Variants in FAM167A observed in about 807,000 individuals in gnomAD.
The protein encoded by FAM167A is protein FAM167A.
Under a neutral mutation model 14.9 loss-of-function variants are expected in FAM167A, and 23 were observed. That is an observed-to-expected ratio of 1.55 (90% CI 1.11 to 2.19). The LOEUF (loss-of-function observed/expected upper bound fraction) is 2.19, where lower values mean the gene tolerates loss of function less well. Among genes scored for constraint, FAM167A ranks in the 30% most tolerant of loss-of-function variants. The pLI is 0.00. For missense variants in FAM167A, 401 were observed against 281.5 expected, an observed-to-expected ratio of 1.42 and a Z score of -3.04; for synonymous variants, 174 against 117.7, an observed-to-expected ratio of 1.48 and a Z score of -3.10.
At chr8:11,464,041 G>A (rs539230284) in intron 1 of FAM167A, among the ~76,000 whole-genome samples, 1 of 152,300 alleles carries the variant, frequency 6.6e-6, no homozygotes, top group Admixed American at 6.5e-5. Flanking sequence ...TGCCCACAGG[G>A]AGACTGGGCT....
chr8:11,445,720 G>T lies in FAM167A; in HGVS notation c.-397-912C>A, dbSNP rs1020189548. On this transcript the variant is annotated intron_variant, in intron 1 of 2. Coordinates refer to ENST00000284486, the MANE Select transcript of FAM167A (RefSeq NM_053279.3). ...AGAGACCGCAGCCTCCAGACTCTGTGGTCCGAGGTCCATGGGGTGGGCAGT... is the reference window on the plus strand; with the variant it reads ...AGAGACCGCAGCCTCCAGACTCTGTTGTCCGAGGTCCATGGGGTGGGCAGT... 5.3e-5 allele frequency: 35 copies of T among 654,898 alleles called. 1 individual carries two copies. In the South Asian group the frequency reaches 8.8e-4, roughly 17 times the overall value. The allele number at this position is 654,898 out of a possible 1,614,324, so 40.6% of individuals were successfully genotyped here. A position where few individuals can be genotyped will look rare whatever the true frequency, so the allele number is the denominator to read the frequency against.
intron 1 of FAM167A, among the ~76,000 whole-genome samples, chr8:11,457,141 G>A (rs1301827659): frequency 6.7e-6 from 1 of 150,314 alleles, no homozygotes; most frequent in Non-Finnish European, 1.5e-5. Flanking sequence ...GCTGGGTTAG[G>A]GGTGTGGGTG....
At chr8:11,427,952 A>G (rs146422096) in intron 2 of FAM167A, among the ~76,000 whole-genome samples, 45 of 152,352 alleles carry the variant, frequency 3.0e-4, no homozygotes, top group Non-Finnish European at 4.3e-4. Flanking sequence ...TGAGCCTGGA[A>G]CGGAGCTAGG....
At chr8:11,433,713 C>T (rs752522240) in intron 2 of FAM167A, among the ~76,000 whole-genome samples, 2 of 152,146 alleles carry the variant, frequency 1.3e-5, no homozygotes, top group Non-Finnish European at 2.9e-5. Context: ...GCTCTTATCT[C>T]TCCTATCCCA....
chr8:11,473,342 A>G (rs1808020407), intron 1 of FAM167A, among the ~76,000 whole-genome samples: 1 of 152,148 alleles, frequency 6.6e-6, no homozygotes, highest in Non-Finnish European at 1.5e-5. Context: ...AGGCCGAGAC[A>G]TGAGGCAGGC....
chr8:11,426,880 A>C (rs1434938638), intron 2 of FAM167A, among the ~76,000 whole-genome samples: 1 of 152,220 alleles, frequency 6.6e-6, no homozygotes, highest in Non-Finnish European at 1.5e-5. Context: ...AGGCACGTGA[A>C]GCAATCAGGT....
intron 2 of FAM167A, chr8:11,443,747 G>A: frequency 2.6e-6 from 1 of 382,336 alleles, no homozygotes; most frequent in Middle Eastern, 7.6e-4. Context: ...GGTGTTGGGG[G>A]GAGGGGGGTA....
chr8:11,435,003 C>A, intron 2 of FAM167A: 1 of 456,304 alleles, frequency 2.2e-6, no homozygotes, highest in Admixed American at 2.3e-5. Flanking sequence ...CAGCTCCCAG[C>A]ATCTGGGCCT....
At position 11,421,521 on chromosome 8, in the gene FAM167A, C is replaced by T; in HGVS notation, c.*2852G>A. The T allele has an allele frequency of 2.6e-6, 1 of 388,282 alleles. No homozygotes were observed. Among genetic ancestry groups the T allele is most frequent in the South Asian group, 1.4e-4 (1 of 6,910 alleles). The allele number at this position is 388,282 out of a possible 1,614,324, so 24.1% of individuals were successfully genotyped here. A position where few individuals can be genotyped will look rare whatever the true frequency, so the allele number is the denominator to read the frequency against. On this transcript the variant is annotated 3_prime_UTR_variant, in exon 3 of 3. Transcript: ENST00000284486. ...CTTCTTTTGAAGTATTTTTATTTCA[C>T]TTTTTCTAACAGCAATATAGAAACA...
chr8:11,463,586 G>A (rs939163130), intron 1 of FAM167A, among the ~76,000 whole-genome samples: 2 of 152,212 alleles, frequency 1.3e-5, no homozygotes, highest in Admixed American at 6.5e-5. Context: ...TTCCATACCT[G>A]CCACTGGACC....
At chr8:11,443,224 G>C (rs1005715394) in intron 2 of FAM167A, among the ~76,000 whole-genome samples, 1 of 151,980 alleles carries the variant, frequency 6.6e-6, no homozygotes, top group East Asian at 1.9e-4. Flanking sequence ...ATTCTCCCCT[G>C]GGGGGGTGGA....
At chr8:11,455,076 A>G (rs1208627602) in intron 1 of FAM167A, among the ~76,000 whole-genome samples, 1 of 152,190 alleles carries the variant, frequency 6.6e-6, no homozygotes, top group Admixed American at 6.5e-5. Context: ...CATCCTGCCG[A>G]GACCTGACCC....
chr8:11,430,575 A>T (rs73663134), intron 2 of FAM167A, among the ~76,000 whole-genome samples: 2,168 of 152,336 alleles, frequency 0.014, 47 homozygotes, highest in African/African-American at 0.049. Context: ...CAATGAAGTC[A>T]TTTTGAAAAA....
At chr8:11,425,982 A>G (rs1418096929) in intron 2 of FAM167A, among the ~76,000 whole-genome samples, 4 of 152,136 alleles carry the variant, frequency 2.6e-5, no homozygotes, top group African/African-American at 4.8e-5. Flanking sequence ...AGATTAAATG[A>G]GAGTCTGGCA....
intron 2 of FAM167A, among the ~76,000 whole-genome samples, chr8:11,435,672 G>T (rs999545883): frequency 6.6e-6 from 1 of 152,164 alleles, no homozygotes; most frequent in Non-Finnish European, 1.5e-5. Context: ...CAGAGGAGCA[G>T]CCCCTGGTTC....
At chr8:11,438,252 G>C (rs1563369484) in intron 2 of FAM167A, 2 of 407,272 alleles carry the variant, frequency 4.9e-6, no homozygotes, top group South Asian at 3.6e-5. Context: ...CCTTCTCCTT[G>C]ACCCTGCAAG....
chr8:11,423,203 C>A lies in FAM167A; in HGVS notation c.*1170G>T, dbSNP rs1804882789. ...GGATTCTACGGGTCTGGCCGAGGGA[C>A]CCCTGCCATGCCGTATGACCCCAGA... is the stretch of plus-strand genomic sequence containing the variant. On this transcript the variant is annotated 3_prime_UTR_variant, in exon 3 of 3. Transcript: ENST00000284486. 1 of 152,196 alleles carries A rather than the reference C, an allele frequency of 6.6e-6. No individual in the cohort carries two copies. Among genetic ancestry groups the A allele is most frequent in the South Asian group, 2.1e-4 (1 of 4,810 alleles). 9.4% of individuals were successfully genotyped at this position (152,196 alleles called of 1,614,324 possible).
intron 2 of FAM167A, among the ~76,000 whole-genome samples, chr8:11,428,758 C>T (rs923787384): frequency 6.6e-5 from 10 of 152,204 alleles, no homozygotes; most frequent in African/African-American, 2.4e-4. Flanking sequence ...CTGTGCTGGG[C>T]CCATGCTCGG....
rs1477251714 is a variant in FAM167A, at chr8:11,436,822, A to G, written c.381+7209T>C. ...GAAACAGATGTAGCGGGAGCTTCAC[A>G]TCTGATGCTGAGCGAGAACCAGCTA... On this transcript the variant is annotated intron_variant, in intron 2 of 2. Coordinates refer to ENST00000284486, the MANE Select transcript of FAM167A (RefSeq NM_053279.3). Among the ~76,000 whole-genome samples the G allele has an allele frequency of 2.0e-5, 3 of 152,284 alleles. No homozygotes were observed. The East Asian group carries it at 5.8e-4, about 29-fold the overall frequency.
Sources: gnomAD v4.1 joint callset for allele counts (sites outside exome capture counted in the v4.1 genomes callset) on GRCh38, gnomAD v4.1.1 for gene constraint, MANE v1.5 for transcripts, NCBI Gene and HGNC (gene_info 2026-07-23, HGNC 2026-07-21) for gene names.